The following ATXN7L1 variants were observed in gnomAD, a reference collection of about 807,000 sequenced individuals.
The protein encoded by ATXN7L1 is ataxin 7 like 1.
A neutral mutation model predicts 70.8 loss-of-function variants in ATXN7L1; 15 were observed. The ratio of observed to expected loss-of-function variants is 0.21; its 90% CI spans 0.14 to 0.33. The LOEUF (loss-of-function observed/expected upper bound fraction) is 0.33, where lower values mean the gene tolerates loss of function less well. ATXN7L1 is among the 10% of genes least tolerant of loss of function. The probability of loss-of-function intolerance (pLI) is 1.00; values close to 1 mark genes in which losing one functional copy is unlikely to be tolerated. For synonymous variants in ATXN7L1, 440 were observed against 445.1 expected, an observed-to-expected ratio of 0.99 and a Z score of 0.14; for missense variants, 975 against 1,097.1, an observed-to-expected ratio of 0.89 and a Z score of 1.57.
intron 2 of ATXN7L1, among the ~76,000 whole-genome samples, chr7:105,824,394 G>C: frequency 6.6e-6 from 1 of 152,068 alleles, no homozygotes; most frequent in East Asian, 1.9e-4. Context: ...ACCAGGAATA[G>C]AGGAATATAG....
intron 3 of ATXN7L1, among the ~76,000 whole-genome samples, chr7:105,778,213 A>G (rs1441952251): frequency 6.6e-6 from 1 of 152,092 alleles, no homozygotes; most frequent in Non-Finnish European, 1.5e-5. Context: ...GTTTCAATTA[A>G]AAATGAATTC....
intron 3 of ATXN7L1, among the ~76,000 whole-genome samples, chr7:105,694,617 C>A (rs748170676): frequency 6.6e-6 from 1 of 152,166 alleles, no homozygotes; most frequent in Non-Finnish European, 1.5e-5. Flanking sequence ...ATAATGTACG[C>A]TGGTGTGCAG....
intron 2 of ATXN7L1, among the ~76,000 whole-genome samples, chr7:105,872,637 A>G (rs1338850996): frequency 6.6e-6 from 1 of 152,196 alleles, no homozygotes; most frequent in East Asian, 1.9e-4. Flanking sequence ...GACAGAAAGT[A>G]GAACAGTGGT....
intron 2 of ATXN7L1, among the ~76,000 whole-genome samples, chr7:105,858,104 G>A (rs947513621): frequency 2.3e-4 from 35 of 152,106 alleles, no homozygotes; most frequent in Non-Finnish European, 4.1e-4. Context: ...GGTAGTATGT[G>A]CCTGTAGCCC....
intron 3 of ATXN7L1, among the ~76,000 whole-genome samples, chr7:105,759,979 C>T (rs976694443): frequency 3.3e-5 from 5 of 152,150 alleles, no homozygotes; most frequent in Non-Finnish European, 1.5e-5. Context: ...CCAGTGATTT[C>T]CTTCCACCCA....
At chr7:105,709,002 T>C (rs1425187199) in intron 3 of ATXN7L1, among the ~76,000 whole-genome samples, 1 of 152,236 alleles carries the variant, frequency 6.6e-6, no homozygotes, top group Non-Finnish European at 1.5e-5. Flanking sequence ...ATCCTTATTC[T>C]GTAGGTCAAT....
intron 3 of ATXN7L1, among the ~76,000 whole-genome samples, chr7:105,706,850 T>A (rs751998537): frequency 1.3e-5 from 2 of 152,206 alleles, no homozygotes; most frequent in African/African-American, 2.4e-5. Flanking sequence ...ATAAAAATAA[T>A]TTAGTGATTT....
intron 3 of ATXN7L1, among the ~76,000 whole-genome samples, chr7:105,699,409 G>T (rs984167489): frequency 2.6e-5 from 4 of 152,168 alleles, no homozygotes; most frequent in African/African-American, 9.7e-5. Flanking sequence ...TGGAATTACA[G>T]GCATGAGCCA....
intron 3 of ATXN7L1, among the ~76,000 whole-genome samples, chr7:105,746,022 C>T (rs1041194669): frequency 9.9e-5 from 15 of 152,200 alleles, no homozygotes; most frequent in African/African-American, 3.6e-4. Context: ...GGACCATTCC[C>T]CCAGTGGTTC....
intron 2 of ATXN7L1, among the ~76,000 whole-genome samples, chr7:105,801,629 C>G (rs1051743510): frequency 1.3e-5 from 2 of 151,206 alleles, no homozygotes; most frequent in Admixed American, 6.6e-5. Flanking sequence ...TGAGGGTACA[C>G]CTGGCACATG....
At chr7:105,873,756 A>G (rs1818619925) in intron 2 of ATXN7L1, among the ~76,000 whole-genome samples, 1 of 152,238 alleles carries the variant, frequency 6.6e-6, no homozygotes, top group Non-Finnish European at 1.5e-5. Flanking sequence ...GTACCTTTAT[A>G]GGACAAAGGA....
intron 8 of ATXN7L1, among the ~76,000 whole-genome samples, chr7:105,621,383 G>A (rs1170683963): frequency 6.6e-6 from 1 of 152,110 alleles, no homozygotes; most frequent in South Asian, 2.1e-4. Flanking sequence ...CTTATGACAT[G>A]GCTGTTTTAC....
intron 3 of ATXN7L1, among the ~76,000 whole-genome samples, chr7:105,696,676 T>C (rs1221078352): frequency 1.3e-5 from 2 of 152,238 alleles, no homozygotes; most frequent in African/African-American, 4.8e-5. Flanking sequence ...AGTACTGGCA[T>C]GCTTAACCAA....
intron 2 of ATXN7L1, among the ~76,000 whole-genome samples, chr7:105,820,610 A>C (rs185451671): frequency 6.6e-6 from 1 of 152,250 alleles, no homozygotes; most frequent in Admixed American, 6.5e-5. Context: ...GGGTTTTTTT[A>C]AATTGCAAAT....
At chr7:105,686,109 G>A (rs1314497902) in intron 3 of ATXN7L1, among the ~76,000 whole-genome samples, 3 of 150,340 alleles carry the variant, frequency 2.0e-5, no homozygotes, top group African/African-American at 7.4e-5. Context: ...AACTTCCAGG[G>A]GGAATGAACA....
intron 2 of ATXN7L1, among the ~76,000 whole-genome samples, chr7:105,851,580 C>A (rs1384685691): frequency 1.3e-5 from 2 of 152,214 alleles, no homozygotes; most frequent in Non-Finnish European, 2.9e-5. Flanking sequence ...AACCCTAACA[C>A]CAAAATGCAA....
At chr7:105,870,281 CAAA>C (rs11324410) in intron 2 of ATXN7L1, among the ~76,000 whole-genome samples, 53 of 125,328 alleles carry the variant, frequency 4.2e-4, no homozygotes, top group African/African-American at 1.0e-3. Flanking sequence ...GACTCCATTT[CAAA>C]AAAAAAAAAA....
intron 4 of ATXN7L1, among the ~76,000 whole-genome samples, chr7:105,660,889 C>T (rs1426881534): frequency 2.0e-5 from 3 of 152,080 alleles, no homozygotes; most frequent in South Asian, 2.1e-4. Context: ...CCAGAAGTGA[C>T]CTCTTTTGAA....
At position 105,613,867 on chromosome 7, in the gene ATXN7L1, G is replaced by T; in HGVS notation, c.2467C>A (p.Arg823=). The part of the protein sequence containing the change: ...VPDPVNSTSS[R]QVGKNSSLAL... Reference sequence around the variant, plus strand: ...GGTGCCAGGAGGTCCCTTACCTGCCGAGAGGAGGTGCTGTTAACGGGATCG... The same window carrying T: ...GGTGCCAGGAGGTCCCTTACCTGCCTAGAGGAGGTGCTGTTAACGGGATCG... Residue 823 remains arginine, a synonymous_variant, in exon 10 of 12, where the codon CGG becomes AGG. Transcript: ENST00000419735. 1 of 1,551,948 alleles carries T rather than the reference G, an allele frequency of 6.4e-7. No individual in the cohort carries two copies. Among genetic ancestry groups the T allele is most frequent in the Non-Finnish European group, 8.7e-7 (1 of 1,147,032 alleles).
Sources: gnomAD v4.1 joint callset for allele counts (sites outside exome capture counted in the v4.1 genomes callset) on GRCh38, gnomAD v4.1.1 for gene constraint, MANE v1.5 for transcripts, NCBI Gene and HGNC (gene_info 2026-07-23, HGNC 2026-07-21) for gene names.